Variants in GRIA1 observed in about 807,000 individuals in gnomAD.
The protein encoded by GRIA1 is glutamate ionotropic receptor AMPA type subunit 1.
Under a neutral mutation model 99.2 loss-of-function variants are expected in GRIA1, and 31 were observed. The ratio of observed to expected loss-of-function variants is 0.31; its 90% CI spans 0.23 to 0.42. The LOEUF (loss-of-function observed/expected upper bound fraction) is 0.42. GRIA1 is among the 10% of genes least tolerant of loss of function. The pLI is 1.00. For missense variants in GRIA1, 782 were observed against 1,157.5 expected (o/e 0.68, Z 4.71); for synonymous variants, 438 against 432.4 (o/e 1.01, Z -0.16).
intron 14 of GRIA1, among the ~76,000 whole-genome samples, chr5:153,799,399 A>G (rs954489336): frequency 2.0e-5 from 3 of 152,218 alleles, no homozygotes; most frequent in Non-Finnish European, 4.4e-5. Flanking sequence ...AGGCAACTAA[A>G]CAGAAGACCA....
rs1409661395 is a variant in GRIA1 at position 153,699,089 on chromosome 5, G to C, written c.1452+16G>C. 6.3e-7 allele frequency: 1 copy of C among 1,589,798 alleles called. No homozygotes were observed. The highest frequency in any genetic ancestry group is 2.2e-5 in the East Asian group (1 of 44,638). The stretch of plus-strand genomic sequence containing the variant: ...GGTCTATGGAGTAAGTTCACTGCAG[G>C]GTGGGAAATTAGAGGGCGGAGGCAG... On this transcript the variant is annotated intron_variant, in intron 10 of 15. Coordinates refer to ENST00000285900, the MANE Select transcript of GRIA1 (RefSeq NM_000827.4).
chr5:153,644,624 G>T (rs1314032238), intron 2 of GRIA1, among the ~76,000 whole-genome samples: 2 of 152,000 alleles, frequency 1.3e-5, no homozygotes, highest in African/African-American at 4.8e-5. Flanking sequence ...AATAAACAAA[G>T]AAAATTATTT....
At chr5:153,674,406 T>C in intron 5 of GRIA1, 94 bp from the exon 6 acceptor site, 1 of 1,364,714 alleles carries the variant, frequency 7.3e-7, no homozygotes, top group South Asian at 1.3e-5. Flanking sequence ...TTTCATCTGG[T>C]GGAACTGAAT....
chr5:153,770,046 T>C, intron 12 of GRIA1, 122 bp from the exon 13 acceptor site: 1 of 975,024 alleles, frequency 1.0e-6, no homozygotes, highest in South Asian at 1.6e-5. Flanking sequence ...CATAATTTGT[T>C]TCTTCCTGAG....
intron 2 of GRIA1, among the ~76,000 whole-genome samples, chr5:153,631,398 C>G (rs1357672138): frequency 6.6e-6 from 1 of 152,200 alleles, no homozygotes; most frequent in Non-Finnish European, 1.5e-5. Flanking sequence ...AGAATCAATT[C>G]TGTTTGTTTT....
intron 7 of GRIA1, among the ~76,000 whole-genome samples, chr5:153,678,803 A>T (rs1303690411): frequency 6.6e-6 from 1 of 152,174 alleles, no homozygotes; most frequent in Non-Finnish European, 1.5e-5. Context: ...AGGACTCTGT[A>T]CTGGGAGGCA....
chr5:153,738,039 G>A (rs1034410286), intron 11 of GRIA1, among the ~76,000 whole-genome samples: 1 of 152,190 alleles, frequency 6.6e-6, no homozygotes, highest in Non-Finnish European at 1.5e-5. Flanking sequence ...GGGGCTGAGG[G>A]ACAGGAGCAG....
At chr5:153,768,061 T>C (rs542288552) in intron 12 of GRIA1, among the ~76,000 whole-genome samples, 9 of 152,328 alleles carry the variant, frequency 5.9e-5, no homozygotes, top group Admixed American at 4.6e-4. Flanking sequence ...AAATTGCATC[T>C]TGCAATTGCC....
intron 11 of GRIA1, among the ~76,000 whole-genome samples, chr5:153,711,378 T>A (rs1759307615): frequency 6.6e-6 from 1 of 152,100 alleles, no homozygotes. Context: ...CGACATGGAT[T>A]TATGGTTCAC....
chr5:153,690,836 C>T (rs926825929), intron 8 of GRIA1, among the ~76,000 whole-genome samples: 13 of 152,190 alleles, frequency 8.5e-5, no homozygotes, highest in African/African-American at 3.1e-4. Context: ...GGGGATCTGC[C>T]TTTCAGAAAA....
At chr5:153,590,703 A>G (rs1470951529) in intron 2 of GRIA1, among the ~76,000 whole-genome samples, 1 of 152,212 alleles carries the variant, frequency 6.6e-6, no homozygotes, top group African/African-American at 2.4e-5. Context: ...AAAATTTGTG[A>G]AACAAGGGCA....
intron 4 of GRIA1, among the ~76,000 whole-genome samples, chr5:153,654,300 A>G (rs1003182564): frequency 2.0e-5 from 3 of 152,188 alleles, no homozygotes; most frequent in Non-Finnish European, 2.9e-5. Context: ...GCCAGTTTTT[A>G]TAAGTCAAAA....
intron 11 of GRIA1, among the ~76,000 whole-genome samples, chr5:153,715,245 T>C (rs1759588712): frequency 6.6e-6 from 1 of 152,058 alleles, no homozygotes; most frequent in Non-Finnish European, 1.5e-5. Flanking sequence ...CCAAGCCAAG[T>C]TGTGCTTCAT....
At chr5:153,677,351 C>T (rs1214411318) in intron 7 of GRIA1, among the ~76,000 whole-genome samples, 190 bp downstream of exon 7, 1 of 152,082 alleles carries the variant, frequency 6.6e-6, no homozygotes, top group Non-Finnish European at 1.5e-5. Flanking sequence ...TGATATGGAA[C>T]AGTCATTTCT....
intron 2 of GRIA1, among the ~76,000 whole-genome samples, chr5:153,535,424 C>G (rs997426745): frequency 6.6e-6 from 1 of 152,114 alleles, no homozygotes; most frequent in Non-Finnish European, 1.5e-5. Flanking sequence ...AGAGGTATGG[C>G]CCATATCTGT....
chr5:153,577,146 A>ATGGT (rs1762633599), intron 2 of GRIA1, among the ~76,000 whole-genome samples: 1 of 95,456 alleles, frequency 1.0e-5, no homozygotes, highest in African/African-American at 3.5e-5. Flanking sequence ...GGATGGATGG[A>ATGGT]TGGATGGTTG....
At chr5:153,550,730 TATCTTAATAGG>T (rs1303508364) in intron 2 of GRIA1, among the ~76,000 whole-genome samples, 10 of 152,198 alleles carry the variant, frequency 6.6e-5, no homozygotes, top group Non-Finnish European at 1.0e-4. Context: ...CTAACCTGTC[TATCTTAATAGG>T]ATGTTGTAAG....
chr5:153,732,168 A>C (rs368355388), intron 11 of GRIA1, among the ~76,000 whole-genome samples: 33 of 152,250 alleles, frequency 2.2e-4, no homozygotes, highest in African/African-American at 7.9e-4. Flanking sequence ...GCTATTGTGA[A>C]TAGTGCTACA....
chr5:153,659,698 A>G (rs183474354), intron 5 of GRIA1, among the ~76,000 whole-genome samples: 17 of 152,338 alleles, frequency 1.1e-4, no homozygotes, highest in African/African-American at 3.8e-4. Flanking sequence ...AATTGCCAAT[A>G]TGAGTACCTA....
Sources: gnomAD v4.1 joint callset for allele counts (sites outside exome capture counted in the v4.1 genomes callset) on GRCh38, gnomAD v4.1.1 for gene constraint, MANE v1.5 for transcripts, NCBI Gene and HGNC (gene_info 2026-07-23, HGNC 2026-07-21) for gene names.